Variants in FAAH observed in about 807,000 individuals in gnomAD.
FAAH encodes the protein fatty-acid amide hydrolase 1.
Under a neutral mutation model 69.7 loss-of-function variants are expected in FAAH, and 63 were observed. The observed-to-expected ratio is 0.90, with a 90% CI of 0.74 to 1.12. The LOEUF (loss-of-function observed/expected upper bound fraction) is 1.12. FAAH is among the 50% of genes most tolerant of loss of function. The probability of loss-of-function intolerance (pLI) is 0.00; values close to 1 mark genes in which losing one functional copy is unlikely to be tolerated. For missense variants in FAAH, 680 were observed against 755.0 expected (o/e 0.90, Z 1.16); for synonymous variants, 305 against 324.2 (o/e 0.94, Z 0.64).
chr1:46,394,317 G>A lies in FAAH; in HGVS notation c.-32G>A. The A allele has an allele frequency of 6.5e-7, 1 of 1,535,306 alleles. No homozygotes were observed. Among genetic ancestry groups the A allele is most frequent in the Non-Finnish European group, 8.7e-7 (1 of 1,144,542 alleles). ...GGCTGCGCGTGCGGCGGCTTCAACT[G>A]TCGCGGTAGGCAGCAGCAGGCTGAA... On this transcript the variant is annotated 5_prime_UTR_variant, in exon 1 of 15. Transcript: ENST00000243167.
chr1:46,395,789 C>CT (rs1327646003), intron 1 of FAAH, among the ~76,000 whole-genome samples: 1 of 152,210 alleles, frequency 6.6e-6, no homozygotes, highest in Non-Finnish European at 1.5e-5. Flanking sequence ...TGCAGCCACA[C>CT]TTTCGTGGAG....
chr1:46,410,535 G>C lies in FAAH; in HGVS notation c.1275+38G>C. On this transcript the variant is annotated intron_variant, in intron 10 of 14. Coordinates refer to ENST00000243167, the MANE Select transcript of FAAH (RefSeq NM_001441.3). This position sits in a 1 kb window ranked among gnomAD's most constrained non-coding sequence, Gnocchi z 4.9. ...GGAGTGGAGGGGCTAGGATGGCTGG[G>C]GGGGAACCTAGGGCCTCCTATCGCA... 1 of 1,580,986 alleles carries C rather than the reference G, an allele frequency of 6.3e-7. No individual in the cohort carries two copies. Among genetic ancestry groups the C allele is most frequent in the Non-Finnish European group, 8.7e-7 (1 of 1,150,882 alleles).
chr1:46,412,029 A>G lies in FAAH; in HGVS notation c.1357-114A>G, dbSNP rs1290488670. ...CCTGTGTCCCACTGTGGCTCTGTTC[A>G]GATCCAGGGGCAGGTGCTGGGGCCA... On this transcript the variant is annotated intron_variant, in intron 12 of 14. Coordinates refer to ENST00000243167, the MANE Select transcript of FAAH (RefSeq NM_001441.3). 4.4e-6 allele frequency: 4 copies of G among 904,262 alleles called. No homozygotes were observed. The Admixed American group carries it at 8.0e-5, about 18-fold the overall frequency. The allele number at this position is 904,262 out of a possible 1,614,324, so 56.0% of individuals were successfully genotyped here. A position where few individuals can be genotyped will look rare whatever the true frequency, so the allele number is the denominator to read the frequency against.
chr1:46,397,374 C>T (rs990865766), intron 1 of FAAH, among the ~76,000 whole-genome samples: 2 of 152,190 alleles, frequency 1.3e-5, no homozygotes, highest in East Asian at 1.9e-4. Context: ...ATTATTTTTA[C>T]GAACAGATTA....
intron 1 of FAAH, among the ~76,000 whole-genome samples, chr1:46,396,420 A>G (rs1053816228): frequency 1.3e-5 from 2 of 152,172 alleles, no homozygotes; most frequent in Non-Finnish European, 2.9e-5. Context: ...TCCTCAGCAC[A>G]GACCCTTTAC....
intron 1 of FAAH, among the ~76,000 whole-genome samples, chr1:46,398,853 A>G (rs968906769): frequency 6.6e-6 from 1 of 152,198 alleles, no homozygotes; most frequent in African/African-American, 2.4e-5. Flanking sequence ...GTGTCCAAGG[A>G]GGACACAGCT....
At chr1:46,400,925 A>C (rs1247219161) in intron 1 of FAAH, among the ~76,000 whole-genome samples, 1 of 5,266 alleles carries the variant, frequency 1.9e-4, no homozygotes, top group Admixed American at 1.6e-3. Context: ...GAGGGGAGGA[A>C]GGGAAGGGAA....
rs758169349 is a variant in FAAH, at chr1:46,406,315, G to A, written c.898G>A (p.Glu300Lys). 6.2e-7 allele frequency: 1 copy of A among 1,613,844 alleles called. No homozygotes were observed. Among genetic ancestry groups the A allele is most frequent in the Non-Finnish European group, 8.5e-7 (1 of 1,179,836 alleles). Residue 300 changes from glutamate (E) to lysine (K), a missense_variant, in exon 7 of 15, where the codon GAG becomes AAG. Physicochemically the swap from Glu to Lys is moderately conservative, Grantham distance 56. Transcript: ENST00000243167. The part of the protein sequence containing the change: ...LALCLRALLC[E>K]DMFRLDPTVP... ...ACTGTGCCTGCGAGCCCTGCTGTGT[G>A]AGGACATGTTCCGCTTGGACCCCAC...
rs1169236079 is a variant in FAAH, at chr1:46,398,046, G to C, written c.195+3503G>C. 2.7e-5 allele frequency among the ~76,000 whole-genome samples: 4 copies of C among 148,094 alleles called. No homozygotes were observed. In the Admixed American group the frequency reaches 2.7e-4, roughly 10 times the overall value. ...CCTCCCGGGTTCAAGCAATTCTCCT[G>C]CCTCAGCCTCCCTAGTAGCTGGGGT... On this transcript the variant is annotated intron_variant, in intron 1 of 14. Transcript: ENST00000243167.
In FAAH at chr1:46,406,457, C is replaced by T. The variant is rs557587123; in HGVS notation, c.951+89C>T. 52 of 1,576,262 alleles carry T rather than the reference C, an allele frequency of 3.3e-5. 1 individual carries two copies. In the East Asian group the frequency reaches 1.2e-3, roughly 36 times the overall value. ...TGGGCAGGCCTTGGAGCCCCTGTCT[C>T]CTGAGAACCGTCCCCCAGGCCTCTG... On this transcript the variant is annotated intron_variant, in intron 7 of 14. Transcript: ENST00000243167.
At chr1:46,399,588 G>C (rs1321849653) in intron 1 of FAAH, among the ~76,000 whole-genome samples, 1 of 152,230 alleles carries the variant, frequency 6.6e-6, no homozygotes, top group African/African-American at 2.4e-5. Flanking sequence ...GCGAGGTCGG[G>C]GGAGTTGGTG....
Position 46,406,383 on chromosome 1 carries a change from G to A in FAAH, c.951+15G>A, listed in dbSNP as rs1430593873. ...TCAGAGAAGAGGTGAGCAGGGCTGG[G>A]TGGGCATGAATGTGGACCGCTGAAC... On this transcript the variant is annotated intron_variant, in intron 7 of 14. Coordinates refer to ENST00000243167, the MANE Select transcript of FAAH (RefSeq NM_001441.3). 6.2e-7 allele frequency: 1 copy of A among 1,613,696 alleles called. No homozygotes were observed. Among genetic ancestry groups the A allele is most frequent in the Non-Finnish European group, 8.5e-7 (1 of 1,180,002 alleles).
intron 1 of FAAH, among the ~76,000 whole-genome samples, chr1:46,399,167 T>C (rs1664653515): frequency 6.6e-6 from 1 of 152,234 alleles, no homozygotes; most frequent in Non-Finnish European, 1.5e-5. Flanking sequence ...ACAACCCGCT[T>C]ATCAATCCCA....
At position 46,409,134 on chromosome 1, in the gene FAAH, G is replaced by A. The variant is rs144221252; in HGVS notation, c.1111G>A (p.Ala371Thr). The A allele has an allele frequency of 3.1e-6, 5 of 1,613,942 alleles. No homozygotes were observed. The highest frequency in any genetic ancestry group is 4.2e-6 in the Non-Finnish European group (5 of 1,180,004). Residue 371 changes from alanine to threonine, a missense_variant, in exon 9 of 15, where the codon GCT becomes ACT. Physicochemically the swap from Ala to Thr is moderately conservative, Grantham distance 58. Coordinates refer to ENST00000243167, the MANE Select transcript of FAAH (RefSeq NM_001441.3). ...VPFLPSNIPH[A>T]LETLSTGGLF... is the part of the protein sequence containing the mutation. ...CTTCTTGCCAAGCAACATACCCCAT[G>A]CTCTGGAGACCCTGTCAACAGGTGG...
chr1:46,407,809 C>T (rs1175035960), intron 7 of FAAH, among the ~76,000 whole-genome samples: 2 of 152,170 alleles, frequency 1.3e-5, no homozygotes, highest in Non-Finnish European at 2.9e-5. Flanking sequence ...GTGACGTAAG[C>T]CCCGTTTCTC....
intron 1 of FAAH, among the ~76,000 whole-genome samples, chr1:46,401,804 G>A (rs750105055): frequency 1.3e-5 from 2 of 152,198 alleles, no homozygotes; most frequent in African/African-American, 4.8e-5. Context: ...CCAGCTACTC[G>A]GGAGGCTGAA....
At position 46,411,597 on chromosome 1, in the gene FAAH, ACTC is replaced by A. The variant is rs759261125; in HGVS notation, c.1317-12_1317-10del. On this transcript the variant is annotated splice_polypyrimidine_tract_variant and intron_variant, in intron 11 of 14. Transcript: ENST00000243167. This position sits in a 1 kb window ranked among gnomAD's most constrained non-coding sequence, Gnocchi z 4.8. The stretch of plus-strand genomic sequence containing the variant: ...TGTGACCATCATGGCTGGTGACCAC[ACTC>A]CTTCTGCCCAGTTCGGCTGGAAAAC... The A allele has an allele frequency of 2.5e-6, 4 of 1,611,432 alleles. No individual in the cohort carries two copies. In the African/African-American group the frequency reaches 5.4e-5, roughly 22 times the overall value.
chr1:46,408,515 C>T lies in FAAH; in HGVS notation c.1008C>T (p.Thr336=). 6.2e-7 allele frequency: 1 copy of T among 1,614,158 alleles called. No homozygotes were observed. Among genetic ancestry groups the T allele is most frequent in the Non-Finnish European group, 8.5e-7 (1 of 1,180,020 alleles). ...RVGYYETDNY[T]MPSPAMRRAV... ...GGTACTATGAGACTGACAACTATACCATGCCCTCCCCGGCCATGAGGCGGG... is the reference window on the plus strand; with the variant it reads ...GGTACTATGAGACTGACAACTATACTATGCCCTCCCCGGCCATGAGGCGGG... The change falls in exon 8 of 15, where the codon ACC becomes ACT. Residue 336 remains threonine (T), a synonymous_variant. Coordinates refer to ENST00000243167, the MANE Select transcript of FAAH (RefSeq NM_001441.3).
chr1:46,410,527 A>T lies in FAAH; in HGVS notation c.1275+30A>T, dbSNP rs1350614142. The T allele has an allele frequency of 1.3e-6, 2 of 1,592,340 alleles. No individual in the cohort carries two copies. The highest frequency in any genetic ancestry group is 1.7e-5 in the Admixed American group (1 of 59,850). On this transcript the variant is annotated intron_variant, in intron 10 of 14. Coordinates refer to ENST00000243167, the MANE Select transcript of FAAH (RefSeq NM_001441.3). This position sits in a 1 kb window ranked among gnomAD's most constrained non-coding sequence, Gnocchi z 4.9. ...GGGCACAAGGAGTGGAGGGGCTAGG[A>T]TGGCTGGGGGGGAACCTAGGGCCTC...
Sources: gnomAD v4.1 joint callset for allele counts (sites outside exome capture counted in the v4.1 genomes callset) on GRCh38, gnomAD v4.1.1 for gene constraint, Gnocchi (gnomAD v3.1) non-coding constraint, MANE v1.5 for transcripts, NCBI Gene and HGNC (gene_info 2026-07-23, HGNC 2026-07-21) for gene names.